Variants in SLC5A5 observed in about 807,000 individuals in gnomAD.
The protein encoded by SLC5A5 is sodium/iodide cotransporter.
In SLC5A5, 56 loss-of-function variants were observed where a neutral mutation model predicts 68.6. That is an observed-to-expected ratio of 0.82 (90% CI 0.66 to 1.02). The LOEUF is 1.02. Among genes scored for constraint, SLC5A5 ranks in the 50% least tolerant of loss-of-function variants. SLC5A5 has a pLI of 0.00. For missense variants in SLC5A5, 807 were observed against 859.8 expected (o/e 0.94, Z 0.77); for synonymous variants, 398 against 373.0 (o/e 1.07, Z -0.77).
intron 1 of SLC5A5, 78 bp downstream of exon 1, chr19:17,872,754 T>C: frequency 1.0e-6 from 1 of 953,590 alleles, no homozygotes; most frequent in South Asian, 1.3e-5. Context: ...CGCTGGGGCT[T>C]TGGGCCGCTG....
intron 1 of SLC5A5, 65 bp from the exon 2 acceptor site, chr19:17,874,073 G>A (rs2094300657): frequency 8.6e-7 from 1 of 1,158,646 alleles, no homozygotes; most frequent in Middle Eastern, 1.9e-4. Context: ...GAGCAGACCA[G>A]GGACCCGAGA....
Position 17,872,218 on chromosome 19 carries a change from T to TGCCCCCCCCCCCCCCC in SLC5A5, c.-102_-101insGCCCCCCCCCCCCCCC. Reference sequence around the variant, plus strand: ...AGCGGGGACAGGCTGCCGAGCATCCTCCCACCCGCCCTCCCCGTCCTGCCT... The same window carrying TGCCCCCCCCCCCCCCC: ...AGCGGGGACAGGCTGCCGAGCATCCTGCCCCCCCCCCCCCCCCCCACCCGCCCTCCCCGTCCTGCCT... On this transcript the variant is annotated 5_prime_UTR_variant, in exon 1 of 15. Transcript: ENST00000222248. 2.2e-6 allele frequency: 1 copy of TGCCCCCCCCCCCCCCC among 456,252 alleles called. No individual in the cohort carries two copies. 28.3% of individuals were successfully genotyped at this position (456,252 alleles called of 1,614,324 possible). A position where few individuals can be genotyped will look rare whatever the true frequency, so the allele number is the denominator to read the frequency against.
At position 17,882,355 on chromosome 19, in the gene SLC5A5, G is replaced by A. The variant is rs918303964; in HGVS notation, c.1242+136G>A. The A allele has an allele frequency of 2.8e-5, 20 of 723,576 alleles. No homozygotes were observed. The African/African-American group carries it at 3.4e-4, about 12-fold the overall frequency. The allele number at this position is 723,576 out of a possible 1,614,324, so 44.8% of individuals were successfully genotyped here. On this transcript the variant is annotated intron_variant, in intron 10 of 14. Transcript: ENST00000222248. ...ACTTCTATGTTTTTTTTTTTTTTGA[G>A]ATGGGGTCTCACTGTGTTGTCCCAG...
In SLC5A5 at chr19:17,884,019, C is replaced by T. The variant is rs531134045; in HGVS notation, c.1499C>T (p.Pro500Leu). The stretch of plus-strand genomic sequence containing the variant: ...GGCCTCCTGGACCCGGCTCTCCTCC[C>T]TGCTAACGACTCCAGCAGGGCCCCC... ...ASGLLDPALL[P>L]ANDSSRAPSS... is the part of the protein sequence containing the mutation. Residue 500 changes from proline to leucine, a missense_variant, in exon 12 of 15, where the codon CCT (proline) becomes CTT (leucine). Coordinates refer to ENST00000222248, the MANE Select transcript of SLC5A5 (RefSeq NM_000453.3). 7.0e-6 allele frequency: 11 copies of T among 1,571,804 alleles called. No homozygotes were observed. The East Asian group carries it at 2.1e-4, about 30-fold the overall frequency.
At chr19:17,875,377 T>TATAATAATA (rs548265014) in intron 4 of SLC5A5, among the ~76,000 whole-genome samples, 10 of 148,226 alleles carry the variant, frequency 6.7e-5, no homozygotes, top group African/African-American at 2.5e-4. Flanking sequence ...CTCAAAAAAA[T>TATAATAATA]ATAATAATAA....
intron 10 of SLC5A5, among the ~76,000 whole-genome samples, chr19:17,882,918 C>T (rs1050364469): frequency 6.6e-5 from 10 of 151,998 alleles, no homozygotes; most frequent in African/African-American, 1.4e-4. Context: ...CTCCTGACCT[C>T]GTGATCCGCC....
chr19:17,894,048 T>G lies in SLC5A5; in HGVS notation c.*171T>G. On this transcript the variant is annotated 3_prime_UTR_variant, in exon 15 of 15. Coordinates refer to ENST00000222248, the MANE Select transcript of SLC5A5 (RefSeq NM_000453.3). ...GGGAGGCCCTGCCTCCGGGAGGTCATTTTTTAAATCCAGCCCCTTGCTTCA... is the reference window on the plus strand; with the variant it reads ...GGGAGGCCCTGCCTCCGGGAGGTCAGTTTTTAAATCCAGCCCCTTGCTTCA... The G allele has an allele frequency of 1.5e-6, 1 of 663,400 alleles. No individual in the cohort carries two copies. The highest frequency in any genetic ancestry group is 1.8e-5 in the South Asian group (1 of 54,590). 41.1% of individuals were successfully genotyped at this position (663,400 alleles called of 1,614,324 possible). A position where few individuals can be genotyped will look rare whatever the true frequency, so the allele number is the denominator to read the frequency against.
chr19:17,889,543 C>T (rs1256769940), intron 13 of SLC5A5, among the ~76,000 whole-genome samples: 1 of 152,156 alleles, frequency 6.6e-6, no homozygotes, highest in African/African-American at 2.4e-5. Context: ...ACAATCATGG[C>T]TCACTGCAAC....
At chr19:17,885,693 T>C (rs114470754) in intron 12 of SLC5A5, among the ~76,000 whole-genome samples, 74 of 152,178 alleles carry the variant, frequency 4.9e-4, no homozygotes, top group African/African-American at 1.8e-3. Flanking sequence ...AAGAACATTT[T>C]TATCACCCCA....
In SLC5A5 at chr19:17,890,932, C is replaced by A; in HGVS notation, c.1698C>A (p.Asp566Glu). The A allele has an allele frequency of 6.2e-7, 1 of 1,614,074 alleles. No individual in the cohort carries two copies. Among genetic ancestry groups the A allele is most frequent in the Non-Finnish European group, 8.5e-7 (1 of 1,179,996 alleles). Residue 566 changes from aspartate (D) to glutamate (E), a missense_variant, in exon 14 of 15, where the codon GAC becomes GAA. Transcript: ENST00000222248. ...TGGCCCCGGGATTGTTGTGGTGGGA[C>A]CTCGCACGGCAGACAGCATCAGTGG... ...STLAPGLLWW[D>E]LARQTASVAP...
In SLC5A5 at chr19:17,882,398, C is replaced by T. The variant is rs1164220129; in HGVS notation, c.1242+179C>T. The stretch of plus-strand genomic sequence containing the variant: ...TGTCCCAGGTTGGTGAGCAGAGGCC[C>T]GATCATAGCTCACTGCAACCTCCAG... On this transcript the variant is annotated intron_variant, in intron 10 of 14. Coordinates refer to ENST00000222248, the MANE Select transcript of SLC5A5 (RefSeq NM_000453.3). 6.6e-5 allele frequency among the ~76,000 whole-genome samples: 10 copies of T among 151,938 alleles called. No individual in the cohort carries two copies. The South Asian group carries it at 1.5e-3, about 22-fold the overall frequency.
At chr19:17,893,392 C>T (rs1050591200) in intron 14 of SLC5A5, among the ~76,000 whole-genome samples, 14 of 152,070 alleles carry the variant, frequency 9.2e-5, no homozygotes, top group African/African-American at 2.9e-4. Flanking sequence ...GGTGAGCCAC[C>T]GTGCCCGGCC....
At chr19:17,877,656 G>A in intron 5 of SLC5A5, 67 bp from the exon 6 acceptor site, 1 of 1,600,114 alleles carries the variant, frequency 6.2e-7, no homozygotes, top group Non-Finnish European at 8.5e-7. Flanking sequence ...AGCGCTGTCT[G>A]GGGCCCTTGG....
At chr19:17,881,105 T>C (rs2094319815) in intron 8 of SLC5A5, 152 bp downstream of exon 8, 1 of 716,854 alleles carries the variant, frequency 1.4e-6, no homozygotes, top group African/African-American at 1.7e-5. Flanking sequence ...AGGTAGGCGC[T>C]GGCAGAGAGC....
chr19:17,875,626 T>A (rs1459576956), intron 4 of SLC5A5, among the ~76,000 whole-genome samples: 6 of 144,766 alleles, frequency 4.1e-5, no homozygotes, highest in Admixed American at 1.4e-4. Flanking sequence ...AAATTTTTTT[T>A]AAATTAGTCG....
At chr19:17,873,435 A>T (rs1005760601) in intron 1 of SLC5A5, among the ~76,000 whole-genome samples, 1 of 150,796 alleles carries the variant, frequency 6.6e-6, no homozygotes, top group Non-Finnish European at 1.5e-5. Context: ...AGCCTGGGCG[A>T]CAGAGCGAGA....
rs749934758 is a variant in SLC5A5 at position 17,872,595 on chromosome 19, G to T, written c.276G>T (p.Leu92=). The change falls in exon 1 of 15, where the codon CTG becomes CTT. Residue 92 remains leucine (L), a synonymous_variant. Transcript: ENST00000222248. ...RYGLKFLWMC[L]GQLLNSVLTA... is the part of the protein sequence containing the mutation. ...GCCTCAAGTTCCTCTGGATGTGCCT[G>T]GGCCAGCTTCTGAACTCGGTCCTCA... 1.2e-6 allele frequency: 2 copies of T among 1,612,672 alleles called. No homozygotes were observed. The highest frequency in any genetic ancestry group is 1.7e-6 in the Non-Finnish European group (2 of 1,179,822).
chr19:17,873,236 A>C (rs1424617475), intron 1 of SLC5A5, among the ~76,000 whole-genome samples: 1 of 150,192 alleles, frequency 6.7e-6, no homozygotes, highest in Non-Finnish European at 1.5e-5. Context: ...CAAAGCATGC[A>C]GATCACCTGA....
chr19:17,872,203 G>C lies in SLC5A5; in HGVS notation c.-117G>C. 1 of 721,028 alleles carries C rather than the reference G, an allele frequency of 1.4e-6. No individual in the cohort carries two copies. Among genetic ancestry groups the C allele is most frequent in the South Asian group, 1.7e-5 (1 of 57,456 alleles). The allele number at this position is 721,028 out of a possible 1,614,324, so 44.7% of individuals were successfully genotyped here. ...TCCCACCCCAGACGGAGCGGGGACA[G>C]GCTGCCGAGCATCCTCCCACCCGCC... On this transcript the variant is annotated 5_prime_UTR_variant, in exon 1 of 15. Coordinates refer to ENST00000222248, the MANE Select transcript of SLC5A5 (RefSeq NM_000453.3).
Sources: allele counts gnomAD v4.1 joint callset (sites outside exome capture counted in the v4.1 genomes callset), GRCh38; gene constraint gnomAD v4.1.1; transcripts MANE v1.5; gene names NCBI Gene and HGNC (gene_info 2026-07-23, HGNC 2026-07-21).